MYLIP: variants seen among roughly 807,000 people sequenced by gnomAD.
The protein encoded by MYLIP is E3 ubiquitin-protein ligase MYLIP.
MYLIP carries 26 observed loss-of-function variants against 45.8 expected under a neutral mutation model. The ratio of observed to expected loss-of-function variants is 0.57; its 90% CI spans 0.42 to 0.79. The LOEUF (loss-of-function observed/expected upper bound fraction) is 0.79. MYLIP is among the 30% of genes least tolerant of loss of function. MYLIP has a pLI of 0.00. For synonymous variants in MYLIP, 213 were observed against 218.1 expected, an observed-to-expected ratio of 0.98 and a Z score of 0.21; for missense variants, 494 against 555.6, an observed-to-expected ratio of 0.89 and a Z score of 1.11.
chr6:16,134,140 A>C (rs1165241191), intron 2 of MYLIP, among the ~76,000 whole-genome samples: 2 of 152,176 alleles, frequency 1.3e-5, no homozygotes, highest in Non-Finnish European at 2.9e-5. Flanking sequence ...CTTACGTGGT[A>C]ATTTGTTTAT....
chr6:16,149,302 C>T (rs186948416), downstream of MYLIP, among the ~76,000 whole-genome samples: 14 of 152,252 alleles, frequency 9.2e-5, no homozygotes, highest in East Asian at 7.7e-4. Context: ...ACCATATGGA[C>T]GCCTTAAGCT....
intron 2 of MYLIP, among the ~76,000 whole-genome samples, chr6:16,140,538 T>A (rs984396294): frequency 1.3e-5 from 2 of 152,146 alleles, no homozygotes; most frequent in African/African-American, 4.8e-5. Context: ...TGTCAAATAC[T>A]GTACCAGAGG....
At chr6:16,152,902 A>T (rs1245687266), downstream of MYLIP, among the ~76,000 whole-genome samples, 1 of 152,102 alleles carries the variant, frequency 6.6e-6, no homozygotes, top group Non-Finnish European at 1.5e-5. Flanking sequence ...ACTGAAATAC[A>T]GGGTATGTGG....
Position 16,129,261 on chromosome 6 carries a change from A to C in MYLIP, c.-62A>C. ...TCCGGGGCTGGGTCCCACCAGTGAC[A>C]AGGCGGCAGCCCCGCGCACACCAAA... On this transcript the variant is annotated 5_prime_UTR_variant, in exon 1 of 7. Coordinates refer to ENST00000356840, the MANE Select transcript of MYLIP (RefSeq NM_013262.4). The surrounding 1 kb of genome is among the most constrained non-coding windows in gnomAD (Gnocchi z 5.1). 1 of 1,515,008 alleles carries C rather than the reference A, an allele frequency of 6.6e-7. No individual in the cohort carries two copies. The allele number at this position is 1,515,008 out of a possible 1,614,324, so 93.8% of individuals were successfully genotyped here. A position where few individuals can be genotyped will look rare whatever the true frequency, so the allele number is the denominator to read the frequency against.
At chr6:16,150,594 G>T (rs185706082), downstream of MYLIP, among the ~76,000 whole-genome samples, 1 of 152,108 alleles carries the variant, frequency 6.6e-6, no homozygotes, top group East Asian at 1.9e-4. Flanking sequence ...CTCGGAGGCC[G>T]GGAGGCGAGA....
intron 2 of MYLIP, among the ~76,000 whole-genome samples, chr6:16,133,635 A>G (rs1759497512): frequency 6.6e-6 from 1 of 152,204 alleles, no homozygotes; most frequent in South Asian, 2.1e-4. Flanking sequence ...AAAGGCTTTG[A>G]GTTTACTGCA....
At chr6:16,150,675 T>C (rs1055773711), downstream of MYLIP, among the ~76,000 whole-genome samples, 4 of 152,038 alleles carry the variant, frequency 2.6e-5, no homozygotes, top group Admixed American at 2.0e-4. Context: ...AAAAGAGGAA[T>C]AAATGGAGAG....
chr6:16,129,110 C>A lies in MYLIP; in HGVS notation c.-213C>A. ...CAGTTGGGCTGCTGGAGTGCGGCGCCACCGCGGAGGACAGGGGCAGCTGGC... is the reference window on the plus strand; with the variant it reads ...CAGTTGGGCTGCTGGAGTGCGGCGCAACCGCGGAGGACAGGGGCAGCTGGC... On this transcript the variant is annotated 5_prime_UTR_variant, in exon 1 of 7. Transcript: ENST00000356840. The surrounding 1 kb of genome is among the most constrained non-coding windows in gnomAD (Gnocchi z 5.1). 1 of 559,506 alleles carries A rather than the reference C, an allele frequency of 1.8e-6. No individual in the cohort carries two copies. The highest frequency in any genetic ancestry group is 3.2e-6 in the Non-Finnish European group (1 of 317,344). 34.7% of individuals were successfully genotyped at this position (559,506 alleles called of 1,614,324 possible).
rs1759730961 is a variant in MYLIP, at chr6:16,143,874, C to T, written c.827+11C>T. ...GCACGCATTCTACAGGCACGTATCT[C>T]GTGTGCTTGGTCACCTCAGCACCAC... On this transcript the variant is annotated intron_variant, in intron 5 of 6. Transcript: ENST00000356840. 7 of 1,610,140 alleles carry T rather than the reference C, an allele frequency of 4.3e-6. No homozygotes were observed. The highest frequency in any genetic ancestry group is 5.1e-6 in the Non-Finnish European group (6 of 1,177,734).
At chr6:16,153,080 T>A (rs911952405), downstream of MYLIP, among the ~76,000 whole-genome samples, 1 of 152,194 alleles carries the variant, frequency 6.6e-6, no homozygotes, top group Non-Finnish European at 1.5e-5. Flanking sequence ...GTTCCTCAGT[T>A]CTGTTCACTG....
In MYLIP at chr6:16,129,735, A is replaced by C. The variant is rs1011742187; in HGVS notation, c.87+326A>C. 1.3e-5 allele frequency among the ~76,000 whole-genome samples: 2 copies of C among 152,078 alleles called. No individual in the cohort carries two copies. The highest frequency in any genetic ancestry group is 4.8e-5 in the African/African-American group (2 of 41,406). On this transcript the variant is annotated intron_variant, in intron 1 of 6. Coordinates refer to ENST00000356840, the MANE Select transcript of MYLIP (RefSeq NM_013262.4). This position sits in a 1 kb window ranked among gnomAD's most constrained non-coding sequence, Gnocchi z 5.1. ...GAAGGCGGCTCCGCACACCTGCCGC[A>C]GGTATGTGCGTGATGCCGCCTGTCG...
At chr6:16,152,457 T>C (rs955967692), downstream of MYLIP, among the ~76,000 whole-genome samples, 1 of 152,218 alleles carries the variant, frequency 6.6e-6, no homozygotes, top group African/African-American at 2.4e-5. Context: ...GGTAGGTGAC[T>C]ACTGGCATTT....
At chr6:16,139,785 A>G (rs949771215) in intron 2 of MYLIP, among the ~76,000 whole-genome samples, 3 of 152,238 alleles carry the variant, frequency 2.0e-5, no homozygotes, top group African/African-American at 7.2e-5. Context: ...GTTTGGGTTA[A>G]TAAAAACCAT....
chr6:16,138,691 G>A (rs1448305714), intron 2 of MYLIP, among the ~76,000 whole-genome samples: 7 of 152,198 alleles, frequency 4.6e-5, no homozygotes, highest in African/African-American at 1.4e-4. Context: ...GCTTAGGGCT[G>A]GGCACAGAGG....
At chr6:16,139,038 T>C (rs2113538476) in intron 2 of MYLIP, among the ~76,000 whole-genome samples, 1 of 152,264 alleles carries the variant, frequency 6.6e-6, no homozygotes, top group Middle Eastern at 3.4e-3. Flanking sequence ...CATGGATAGG[T>C]TGCAAAAAGA....
chr6:16,163,764 A>G, the MYLIP span: 1 of 152,208 alleles, frequency 6.6e-6, no homozygotes, highest in Non-Finnish European at 1.5e-5. Flanking sequence ...AACATTGTCC[A>G]TTGAAAGTTA....
intron 4 of MYLIP, 152 bp from the exon 5 acceptor site, chr6:16,143,547 C>A: frequency 1.2e-6 from 1 of 816,092 alleles, no homozygotes; most frequent in Non-Finnish European, 1.9e-6. Context: ...TGTATCTTTA[C>A]AATAAGGCAG....
At chr6:16,161,071 G>T in the MYLIP span, 6 of 156,876 alleles carry the variant, frequency 3.8e-5, no homozygotes, top group Non-Finnish European at 2.8e-5. Flanking sequence ...GGTCTCATGG[G>T]GGGAGACATG....
chr6:16,144,390 AT>A (rs1254960815), intron 5 of MYLIP, among the ~76,000 whole-genome samples: 1 of 152,196 alleles, frequency 6.6e-6, no homozygotes, highest in African/African-American at 2.4e-5. Context: ...GTATGGAAGG[AT>A]TTTTTAATAG....
Sources: allele counts gnomAD v4.1 joint callset (sites outside exome capture counted in the v4.1 genomes callset), GRCh38; gene constraint gnomAD v4.1.1; non-coding constraint Gnocchi (gnomAD v3.1); transcripts MANE v1.5; gene names NCBI Gene and HGNC (gene_info 2026-07-23, HGNC 2026-07-21).